NSUN2: variants seen among roughly 807,000 people sequenced by gnomAD.
NSUN2 encodes NOP2/Sun RNA methyltransferase 2.
NSUN2 carries 63 observed loss-of-function variants against 92.7 expected under a neutral mutation model. The ratio of observed to expected loss-of-function variants is 0.68; its 90% CI spans 0.56 to 0.84. NSUN2 has a LOEUF of 0.84. Ranked by LOEUF, NSUN2 falls within the 40% of genes least tolerant of loss-of-function variation. The pLI is 0.00. For synonymous variants in NSUN2, 356 were observed against 348.3 expected, an observed-to-expected ratio of 1.02 and a Z score of -0.25; for missense variants, 989 against 964.9, an observed-to-expected ratio of 1.02 and a Z score of -0.33.
In NSUN2 at chr5:6,606,872, C is replaced by G; in HGVS notation, c.1549G>C (p.Glu517Gln). ...TCAGGAATAAATACAAATGGATCTTCTTTAAATCCAAATAACTTCATTTTC... is the reference window on the plus strand; with the variant it reads ...TCAGGAATAAATACAAATGGATCTTGTTTAAATCCAAATAACTTCATTTTC... ...SKKMKLFGFK[E>Q]DPFVFIPEDD... The change falls in exon 14 of 19, where the codon GAA becomes CAA. Residue 517 changes from glutamate to glutamine, a missense_variant. Glu to Gln is a conservative substitution (Grantham distance 29). Transcript: ENST00000264670. The G allele has an allele frequency of 6.3e-7, 1 of 1,597,068 alleles. No individual in the cohort carries two copies. The highest frequency in any genetic ancestry group is 8.6e-7 in the Non-Finnish European group (1 of 1,164,984).
Position 6,604,277 on chromosome 5 carries a change from C to T in NSUN2, c.1819-1G>A, listed in dbSNP as rs1321608975. ...TAAATGGATACAATGTATATATTCC[C>T]TGTGTGAATAAAGAGAATGAGAGAA... On this transcript the variant is annotated splice_acceptor_variant, in intron 16 of 18. Coordinates refer to ENST00000264670, the MANE Select transcript of NSUN2 (RefSeq NM_017755.6). LOFTEE classifies it high-confidence loss of function. 6.3e-7 allele frequency: 1 copy of T among 1,587,882 alleles called. No individual in the cohort carries two copies. The highest frequency in any genetic ancestry group is 8.6e-7 in the Non-Finnish European group (1 of 1,159,604).
In NSUN2 at chr5:6,607,207, C is replaced by T. The variant is rs376441708; in HGVS notation, c.1501G>A (p.Val501Met). Reference protein sequence around the residue: ...LENNGSKKDGVCGPPPSKKMK... With the variant: ...LENNGSKKDGMCGPPPSKKMK... ...CATAACCACTTTTCTTACCCACACA[C>T]GCCATCTTTCTTACTGCCATTATTC... Residue 501 changes from valine to methionine, a missense_variant, in exon 13 of 19, where the codon GTG (valine) becomes ATG (methionine). Transcript: ENST00000264670. 44 of 1,613,990 alleles carry T rather than the reference C, an allele frequency of 2.7e-5. No individual in the cohort carries two copies. Among genetic ancestry groups the T allele is most frequent in the East Asian group, 1.3e-4 (6 of 44,888 alleles).
intron 16 of NSUN2, 101 bp from the exon 17 acceptor site, chr5:6,604,377 G>C: frequency 1.7e-6 from 2 of 1,166,644 alleles, no homozygotes; most frequent in Non-Finnish European, 2.4e-6. Context: ...TATGGTGGTC[G>C]AGCCCTCACT....
At position 6,599,302 on chromosome 5, in the gene NSUN2, T is replaced by C. The variant is rs558454609; in HGVS notation, c.*624A>G. ...CAACCCCATTTAAAAATAAAAATTG[T>C]AAAGCACTCCATTCAATAAAAGCAC... On this transcript the variant is annotated 3_prime_UTR_variant, in exon 19 of 19. Coordinates refer to ENST00000264670, the MANE Select transcript of NSUN2 (RefSeq NM_017755.6). 1 of 152,772 alleles carries C rather than the reference T, an allele frequency of 6.5e-6. No individual in the cohort carries two copies. The highest frequency in any genetic ancestry group is 6.5e-5 in the Admixed American group (1 of 15,306). The allele number at this position is 152,772 out of a possible 1,614,324, so 9.5% of individuals were successfully genotyped here.
In NSUN2 at chr5:6,604,695, A is replaced by G; in HGVS notation, c.1738-10T>C. On this transcript the variant is annotated splice_polypyrimidine_tract_variant and intron_variant, in intron 15 of 18. Transcript: ENST00000264670. ...TCCCCGTGTTAATAACCTGTAAGTA[A>G]AAAAATAAGATGAAACACAGAGAGA... 1 of 1,608,094 alleles carries G rather than the reference A, an allele frequency of 6.2e-7. No homozygotes were observed. Among genetic ancestry groups the G allele is most frequent in the East Asian group, 2.2e-5 (1 of 44,854 alleles).
At chr5:6,629,180 G>A (rs951686585) in intron 3 of NSUN2, among the ~76,000 whole-genome samples, 3 of 152,310 alleles carry the variant, frequency 2.0e-5, no homozygotes, top group Middle Eastern at 6.8e-3. Context: ...GCTGGCTGTT[G>A]GCAGAGAGCA....
chr5:6,630,259 T>C (rs1737822699), intron 3 of NSUN2, among the ~76,000 whole-genome samples: 1 of 152,240 alleles, frequency 6.6e-6, no homozygotes, highest in Non-Finnish European at 1.5e-5. Context: ...ATCATTTTCC[T>C]ATACTGTACC....
chr5:6,606,659 T>A (rs1219272307), intron 14 of NSUN2, among the ~76,000 whole-genome samples, 161 bp downstream of exon 14: 1 of 149,984 alleles, frequency 6.7e-6, no homozygotes, highest in Non-Finnish European at 1.5e-5. Context: ...GAGTAACCTC[T>A]AAAGTTTCAT....
intron 2 of NSUN2, 63 bp from the exon 3 acceptor site, chr5:6,632,040 T>C: frequency 6.1e-6 from 8 of 1,318,338 alleles, no homozygotes; most frequent in Non-Finnish European, 2.1e-6. Flanking sequence ...TTGTATCTTC[T>C]TAAATTTAAG....
At position 6,632,981 on chromosome 5, in the gene NSUN2, G is replaced by A; in HGVS notation, c.-2C>T. 1 of 1,457,366 alleles carries A rather than the reference G, an allele frequency of 6.9e-7. No individual in the cohort carries two copies. Among genetic ancestry groups the A allele is most frequent in the Non-Finnish European group, 9.0e-7 (1 of 1,115,548 alleles). The allele number at this position is 1,457,366 out of a possible 1,614,324, so 90.3% of individuals were successfully genotyped here. On this transcript the variant is annotated 5_prime_UTR_variant, in exon 1 of 19. Coordinates refer to ENST00000264670, the MANE Select transcript of NSUN2 (RefSeq NM_017755.6). Reference sequence around the variant, plus strand: ...CCGACCCCGCGACCGCCGCCCCATAGCCCACGCGGCCGCGCACGCAGCACG... The same window carrying A: ...CCGACCCCGCGACCGCCGCCCCATAACCCACGCGGCCGCGCACGCAGCACG...
At chr5:6,632,463 T>C (rs1737959328) in intron 2 of NSUN2, 136 bp downstream of exon 2, 1 of 998,768 alleles carries the variant, frequency 1.0e-6, no homozygotes, top group Non-Finnish European at 1.5e-6. Context: ...GCTCCCCACC[T>C]CAATGCTTCC....
In NSUN2 at chr5:6,616,726, C is replaced by T. The variant is rs1178317039; in HGVS notation, c.1021+1G>A. 2.1e-6 allele frequency: 3 copies of T among 1,398,642 alleles called. No individual in the cohort carries two copies. In the African/African-American group the frequency reaches 8.1e-5, roughly 38 times the overall value. 86.6% of individuals were successfully genotyped at this position (1,398,642 alleles called of 1,614,324 possible). ...ATAAAAGATCCATCAAGCGTGCTTA[C>T]CTTCACTTTTTTCCAGTAAAGATGC... On this transcript the variant is annotated splice_donor_variant, in intron 9 of 18. Transcript: ENST00000264670. LOFTEE classifies it high-confidence loss of function.
rs909643261 is a variant in NSUN2, at chr5:6,631,463, T to C, written c.359+410A>G. ...CAGGAGACAACCTGACAGCAGACAG[T>C]GGTAACCTGTCTGTAATGGAAAACA... On this transcript the variant is annotated intron_variant, in intron 3 of 18. Coordinates refer to ENST00000264670, the MANE Select transcript of NSUN2 (RefSeq NM_017755.6). Among the ~76,000 whole-genome samples the C allele has an allele frequency of 3.9e-5, 6 of 152,174 alleles. No individual in the cohort carries two copies. The East Asian group carries it at 1.2e-3, about 29-fold the overall frequency.
At chr5:6,632,851 C>G in intron 1 of NSUN2, 33 bp downstream of exon 1, 1 of 1,542,444 alleles carries the variant, frequency 6.5e-7, no homozygotes, top group Non-Finnish European at 8.7e-7. Context: ...CCAGGAGGAG[C>G]CCCTGGCCCG....
At chr5:6,624,603 T>C (rs1165119288) in intron 4 of NSUN2, among the ~76,000 whole-genome samples, 2 of 152,192 alleles carry the variant, frequency 1.3e-5, no homozygotes, top group East Asian at 3.8e-4. Context: ...AGATTGAAAG[T>C]TGAGCAAGAG....
intron 3 of NSUN2, among the ~76,000 whole-genome samples, chr5:6,626,784 G>A: frequency 6.6e-6 from 1 of 152,284 alleles, no homozygotes; most frequent in African/African-American, 2.4e-5. Flanking sequence ...ATAAATCTTA[G>A]TGTAGTTTCA....
rs1267221967 is a variant in NSUN2 at position 6,600,112 on chromosome 5, T to C, written c.2118A>G (p.Val706=). 3 of 1,614,146 alleles carry C rather than the reference T, an allele frequency of 1.9e-6. No homozygotes were observed. The highest frequency in any genetic ancestry group is 2.2e-5 in the South Asian group (2 of 91,082). The change falls in exon 19 of 19, where the codon GTA becomes GTG. Residue 706 remains valine, a synonymous_variant. Coordinates refer to ENST00000264670, the MANE Select transcript of NSUN2 (RefSeq NM_017755.6). ...CCCCTTCCTTCTTCTTTTCTCCCAA[T>C]ACCTCCAGCCCCATCATCCTGAGAT... ...LHYLRMMGLE[V]LGEKKKEGVI...
chr5:6,626,697 G>A (rs562292192), intron 3 of NSUN2, among the ~76,000 whole-genome samples: 6 of 152,282 alleles, frequency 3.9e-5, no homozygotes, highest in South Asian at 4.1e-4. Flanking sequence ...CATCTGCACC[G>A]TACAAATGAG....
intron 8 of NSUN2, 114 bp downstream of exon 8, chr5:6,617,836 C>A: frequency 2.8e-6 from 2 of 724,024 alleles, no homozygotes; most frequent in South Asian, 2.5e-5. Flanking sequence ...GGCCATTGAC[C>A]ATCCTCTGAT....
Sources: gnomAD v4.1 joint callset for allele counts (sites outside exome capture counted in the v4.1 genomes callset) on GRCh38, gnomAD v4.1.1 for gene constraint, MANE v1.5 for transcripts, NCBI Gene and HGNC (gene_info 2026-07-23, HGNC 2026-07-21) for gene names.